The following FAT3 variants were observed in gnomAD, a reference collection of about 807,000 sequenced individuals.
FAT3 encodes the protein protocadherin Fat 3.
Under a neutral mutation model 310.2 loss-of-function variants are expected in FAT3, and 95 were observed. That is an observed-to-expected ratio of 0.31 (90% CI 0.26 to 0.36). FAT3 has a LOEUF of 0.36. FAT3 is among the 10% of genes least tolerant of loss of function. The pLI is 1.00. For synonymous variants in FAT3, 2,314 were observed against 2,192.9 expected (o/e 1.06, Z -1.54); for missense variants, 5,408 against 5,715.6 (o/e 0.95, Z 1.74).
chr11:92,355,334 G>T lies in FAT3; in HGVS notation c.3222G>T (p.Arg1074Ser). 6.2e-7 allele frequency: 1 copy of T among 1,613,792 alleles called. No individual in the cohort carries two copies. The highest frequency in any genetic ancestry group is 8.5e-7 in the Non-Finnish European group (1 of 1,179,842). ...QVTARDEDSGRDGEIQYSIRD... is the reference protein window; with the variant it reads ...QVTARDEDSGSDGEIQYSIRD... ...CTGCTCGAGATGAAGACTCCGGAAG[G>T]GATGGAGAGATCCAGTACTCCATCA... Residue 1074 changes from arginine (R) to serine (S), a missense_variant, in exon 2 of 28, where the codon AGG (arginine) becomes AGT (serine). Coordinates refer to ENST00000525166, the MANE Select transcript of FAT3 (RefSeq NM_001367949.2).
intron 3 of FAT3, among the ~76,000 whole-genome samples, chr11:92,665,472 G>C (rs1183598245): frequency 6.6e-6 from 1 of 152,166 alleles, no homozygotes; most frequent in Admixed American, 6.5e-5. Flanking sequence ...AAATAGGAAA[G>C]ACTAGTAATA....
intron 2 of FAT3, among the ~76,000 whole-genome samples, chr11:92,523,261 C>G (rs2135356013): frequency 6.6e-6 from 1 of 152,240 alleles, no homozygotes; most frequent in East Asian, 1.9e-4. Context: ...TTCTAACTAC[C>G]AGATATCAGC....
Position 92,418,234 on chromosome 11 carries a change from G to A in FAT3, c.3292+62830G>A, listed in dbSNP as rs1015549932. ...GAAAATTTCCTTATACTGGATAACCGAGGTATTTCATGTCACTTAGCAAAT... is the reference window on the plus strand; with the variant it reads ...GAAAATTTCCTTATACTGGATAACCAAGGTATTTCATGTCACTTAGCAAAT... On this transcript the variant is annotated intron_variant, in intron 2 of 27. Transcript: ENST00000525166. Among the ~76,000 whole-genome samples, 10 of 152,110 alleles carry A rather than the reference G, an allele frequency of 6.6e-5. No individual in the cohort carries two copies. The South Asian group carries it at 2.1e-3, about 32-fold the overall frequency.
At chr11:92,456,401 A>G (rs539433357) in intron 2 of FAT3, among the ~76,000 whole-genome samples, 1 of 152,348 alleles carries the variant, frequency 6.6e-6, no homozygotes, top group South Asian at 2.1e-4. Context: ...AGTCAAAGAC[A>G]GTAGTTTTTA....
At chr11:92,853,457 C>T (rs558741422) in intron 19 of FAT3, among the ~76,000 whole-genome samples, 8 of 152,320 alleles carry the variant, frequency 5.3e-5, no homozygotes, top group East Asian at 1.9e-4. Flanking sequence ...TCCTTCTTGT[C>T]GCCCGCAATG....
chr11:92,331,892 T>G (rs915501883), intron 1 of FAT3, among the ~76,000 whole-genome samples: 2 of 152,222 alleles, frequency 1.3e-5, no homozygotes, highest in African/African-American at 4.8e-5. Context: ...ATAAATTAAC[T>G]TGACTAAAGG....
In FAT3 at chr11:92,597,716, C is replaced by T. The variant is rs116000722; in HGVS notation, c.3607+72768C>T. On this transcript the variant is annotated intron_variant, in intron 3 of 27. Transcript: ENST00000525166. ...TACAAAATGAAATGACCCAGGGATGCATGACTAGTCTCGAGTTTATAACTA... is the reference window on the plus strand; with the variant it reads ...TACAAAATGAAATGACCCAGGGATGTATGACTAGTCTCGAGTTTATAACTA... Among the ~76,000 whole-genome samples, 1,346 of 152,278 alleles carry T rather than the reference C, an allele frequency of 8.8e-3. 28 individuals are homozygous for T. The highest frequency in any genetic ancestry group is 0.031 in the African/African-American group (1,281 of 41,542).
At chr11:92,882,661 G>A (rs2136406457) in intron 23 of FAT3, 77 bp from the exon 24 acceptor site, 1 of 1,319,638 alleles carries the variant, frequency 7.6e-7, no homozygotes, top group Non-Finnish European at 1.0e-6. Context: ...AAAGATGTCT[G>A]TGTTTTCTCG....
At chr11:92,789,859 G>A (rs1330351160) in intron 7 of FAT3, 84 bp from the exon 8 acceptor site, 49 of 1,418,700 alleles carry the variant, frequency 3.5e-5, no homozygotes, top group Non-Finnish European at 4.3e-5. Context: ...ACGGGGAAGC[G>A]GGGAGAAAAA....
Position 92,535,822 on chromosome 11 carries a change from G to A in FAT3, c.3607+10874G>A, listed in dbSNP as rs999576175. Among the ~76,000 whole-genome samples, 20 of 151,288 alleles carry A rather than the reference G, an allele frequency of 1.3e-4. No homozygotes were observed. In the East Asian group the frequency reaches 1.4e-3, roughly 10 times the overall value. On this transcript the variant is annotated intron_variant, in intron 3 of 27. Transcript: ENST00000525166. ...TGGATAACACCATCATTTCTTACAG[G>A]AGTGTTTTTACAGAAGGCCATGAGG...
intron 3 of FAT3, among the ~76,000 whole-genome samples, chr11:92,602,282 G>A (rs1940067072): frequency 6.6e-6 from 1 of 151,910 alleles, no homozygotes; most frequent in South Asian, 2.1e-4. Context: ...TTCAGTAGAG[G>A]GTTTACTTCA....
In FAT3 at chr11:92,513,123, A is replaced by G. The variant is rs1383100283; in HGVS notation, c.3293-11511A>G. On this transcript the variant is annotated intron_variant, in intron 2 of 27. Coordinates refer to ENST00000525166, the MANE Select transcript of FAT3 (RefSeq NM_001367949.2). ...GGCGACAGAGCTAGACTCCGTCTCA[A>G]AAAAAAAAAAAAAAGATTATCTCCA... Among the ~76,000 whole-genome samples, 6 of 147,684 alleles carry G rather than the reference A, an allele frequency of 4.1e-5. 1 individual carries two copies. Among genetic ancestry groups the G allele is most frequent in the Non-Finnish European group, 9.0e-5 (6 of 66,682 alleles).
intron 2 of FAT3, among the ~76,000 whole-genome samples, chr11:92,513,732 ACT>A (rs1375914194): frequency 9.2e-5 from 14 of 152,254 alleles, no homozygotes; most frequent in African/African-American, 3.4e-4. Context: ...AAGTGAACAG[ACT>A]CTGTTAGAAG....
At chr11:92,772,279 A>G (rs879326992) in intron 6 of FAT3, among the ~76,000 whole-genome samples, 1 of 152,190 alleles carries the variant, frequency 6.6e-6, no homozygotes, top group Non-Finnish European at 1.5e-5. Flanking sequence ...TACAGGACTT[A>G]TGAGGCAATT....
intron 4 of FAT3, among the ~76,000 whole-genome samples, chr11:92,717,694 A>G (rs183123040): frequency 5.6e-4 from 85 of 152,244 alleles, no homozygotes; most frequent in African/African-American, 1.8e-3. Context: ...TTCTTAACTT[A>G]AAATTGATTT....
chr11:92,339,964 T>C (rs1000734684), intron 1 of FAT3, among the ~76,000 whole-genome samples: 3 of 151,434 alleles, frequency 2.0e-5, no homozygotes, highest in Middle Eastern at 3.2e-3. Context: ...TACAAAAAAT[T>C]AGCCAGGCGT....
chr11:92,344,351 C>G (rs937532756), intron 1 of FAT3, among the ~76,000 whole-genome samples: 1 of 152,170 alleles, frequency 6.6e-6, no homozygotes, highest in Non-Finnish European at 1.5e-5. Context: ...AGAATCCTCC[C>G]TTTGTCCAGC....
chr11:92,382,347 A>G (rs967871412), intron 2 of FAT3, among the ~76,000 whole-genome samples: 1 of 152,172 alleles, frequency 6.6e-6, no homozygotes, highest in Admixed American at 6.5e-5. Context: ...AATAAGCAAT[A>G]TCTATATTGT....
chr11:92,889,193 C>T lies in FAT3; in HGVS notation c.13056C>T (p.Ser4352=). The T allele has an allele frequency of 1.4e-6, 1 of 713,712 alleles. No individual in the cohort carries two copies. Among genetic ancestry groups the T allele is most frequent in the Admixed American group, 2.0e-5 (1 of 49,520 alleles). 44.2% of individuals were successfully genotyped at this position (713,712 alleles called of 1,614,324 possible). Residue 4352 remains serine, a synonymous_variant, in exon 26 of 28, where the codon TCC becomes TCT. Coordinates refer to ENST00000525166, the MANE Select transcript of FAT3 (RefSeq NM_001367949.2). ...ACTTCTTTTCCTGACCACAAGCCTC[C>T]ATAGTGACTGTCATTCAGCTTGTCA... The part of the protein sequence containing the change: ...FQSDSGDDNA[S]IVTVIQLVNN...
Sources: allele counts gnomAD v4.1 joint callset (sites outside exome capture counted in the v4.1 genomes callset), GRCh38; gene constraint gnomAD v4.1.1; transcripts MANE v1.5; gene names NCBI Gene and HGNC (gene_info 2026-07-23, HGNC 2026-07-21).